The following SLC25A3 variants were observed in gnomAD, a reference collection of about 807,000 sequenced individuals.
SLC25A3 encodes the protein phosphate transport protein.
A neutral mutation model predicts 37.1 loss-of-function variants in SLC25A3; 14 were observed. The observed-to-expected ratio is 0.38, with a 90% confidence interval of 0.25 to 0.59. The LOEUF is 0.59. Ranked by LOEUF, SLC25A3 falls within the 20% of genes least tolerant of loss-of-function variation. The pLI, the probability that SLC25A3 is intolerant of heterozygous loss-of-function variation, is 0.67. For missense variants in SLC25A3, 385 were observed against 458.1 expected (o/e 0.84, Z 1.46); for synonymous variants, 161 against 168.7 (o/e 0.95, Z 0.36).
chr12:98,600,015 C>A lies in SLC25A3; in HGVS notation c.702C>A (p.Phe234Leu). ...AGATACCATACACCATGATGAAGTTCGCCTGCTTTGAACGTACTGTTGAAG... is the reference window on the plus strand; with the variant it reads ...AGATACCATACACCATGATGAAGTTAGCCTGCTTTGAACGTACTGTTGAAG... ...MRQIPYTMMK[F>L]ACFERTVEAL... Residue 234 changes from phenylalanine to leucine, a missense_variant, in exon 6 of 8, where the codon TTC becomes TTA. This residue lies in a region of SLC25A3 where 276 missense variants were observed against 367.6 expected (regional missense o/e 0.75). Coordinates refer to ENST00000552981, the MANE Select transcript of SLC25A3 (RefSeq NM_002635.4). 2 of 1,613,960 alleles carry A rather than the reference C, an allele frequency of 1.2e-6. No individual in the cohort carries two copies. Among genetic ancestry groups the A allele is most frequent in the Non-Finnish European group, 1.7e-6 (2 of 1,179,800 alleles).
chr12:98,599,718 A>G, intron 5 of SLC25A3: 1 of 678,224 alleles, frequency 1.5e-6, no homozygotes. Flanking sequence ...TGGTTCCAGT[A>G]GTCAAAGAAA....
chr12:98,595,869 A>T (rs1257424959), intron 3 of SLC25A3, 21 bp downstream of exon 3: 1 of 1,599,666 alleles, frequency 6.3e-7, no homozygotes, highest in Non-Finnish European at 8.6e-7. Context: ...AGATGACAAC[A>T]TTGAAAGTAT....
Position 98,600,119 on chromosome 12 carries a change from G to A in SLC25A3, c.806G>A (p.Gly269Asp). ...PEQLVVTFVA[G>D]YIAGVFCAIV... ...CAGCTGGTTGTAACATTTGTAGCAG[G>A]TTACATAGGTACGAATTACTTAGAA... is the stretch of plus-strand genomic sequence containing the variant. Residue 269 changes from glycine to aspartate, a missense_variant, in exon 6 of 8, where the codon GGT (glycine) becomes GAT (aspartate). Transcript: ENST00000552981. The A allele has an allele frequency of 6.3e-7, 1 of 1,597,756 alleles. No individual in the cohort carries two copies.
intron 3 of SLC25A3, among the ~76,000 whole-genome samples, chr12:98,596,363 C>G (rs1299692136): frequency 6.6e-6 from 1 of 152,106 alleles, no homozygotes; most frequent in Non-Finnish European, 1.5e-5. Context: ...GAAACAAAAA[C>G]AAGACATCGA....
rs1171720662 is a variant in SLC25A3, at chr12:98,601,703, T to C, written c.*175T>C. Reference sequence around the variant, plus strand: ...TTACTGTTGAAATAAACCCAACTCTTCATGATTTGCCTGTGACTTATTTTT... The same window carrying C: ...TTACTGTTGAAATAAACCCAACTCTCCATGATTTGCCTGTGACTTATTTTT... On this transcript the variant is annotated 3_prime_UTR_variant, in exon 8 of 8. Coordinates refer to ENST00000552981, the MANE Select transcript of SLC25A3 (RefSeq NM_002635.4). The C allele has an allele frequency of 1.6e-6, 1 of 619,330 alleles. No homozygotes were observed. Among genetic ancestry groups the C allele is most frequent in the Non-Finnish European group, 2.9e-6 (1 of 348,798 alleles). The allele number at this position is 619,330 out of a possible 1,614,324, so 38.4% of individuals were successfully genotyped here. A position where few individuals can be genotyped will look rare whatever the true frequency, so the allele number is the denominator to read the frequency against.
rs1260801391 is a variant in SLC25A3, at chr12:98,603,801, G to A, written c.*2273G>A. ...CCACTTCATCCTCAAAACCCAAGAG[G>A]CCCACTTAAAGTGATGCGAATTCTC... is the stretch of plus-strand genomic sequence containing the variant. On this transcript the variant is annotated 3_prime_UTR_variant, in exon 8 of 8. Transcript: ENST00000552981. The A allele has an allele frequency of 6.6e-6, 1 of 152,056 alleles. No individual in the cohort carries two copies. The highest frequency in any genetic ancestry group is 2.4e-5 in the African/African-American group (1 of 41,372). The allele number at this position is 152,056 out of a possible 1,614,324, so 9.4% of individuals were successfully genotyped here.
In SLC25A3 at chr12:98,601,594, CTT is replaced by C; in HGVS notation, c.*69_*70del. On this transcript the variant is annotated 3_prime_UTR_variant, in exon 8 of 8. Coordinates refer to ENST00000552981, the MANE Select transcript of SLC25A3 (RefSeq NM_002635.4). Reference sequence around the variant, plus strand: ...AGTGTTGAAGAAAGTGCAAAAGGAACTTTTATATATTTGACAGTGTAGGAAAT... The same window carrying C: ...AGTGTTGAAGAAAGTGCAAAAGGAACTTATATATTTGACAGTGTAGGAAAT... 1 of 1,044,616 alleles carries C rather than the reference CTT, an allele frequency of 9.6e-7. No individual in the cohort carries two copies. 64.7% of individuals were successfully genotyped at this position (1,044,616 alleles called of 1,614,324 possible). A position where few individuals can be genotyped will look rare whatever the true frequency, so the allele number is the denominator to read the frequency against.
chr12:98,594,201 T>C (rs1483992948), intron 2 of SLC25A3, 66 bp downstream of exon 2: 1 of 1,349,730 alleles, frequency 7.4e-7, no homozygotes, highest in Non-Finnish European at 1.0e-6. Context: ...CTTTGAGGCC[T>C]GGACCCGGCT....
intron 3 of SLC25A3, chr12:98,597,560 A>T: frequency 2.8e-6 from 1 of 360,634 alleles, no homozygotes. Flanking sequence ...AGTAGCTGGG[A>T]TTACAGGTGC....
Position 98,600,070 on chromosome 12 carries a change from C to G in SLC25A3, c.757C>G (p.Arg253Gly), listed in dbSNP as rs370953752. 2 of 1,614,122 alleles carry G rather than the reference C, an allele frequency of 1.2e-6. No homozygotes were observed. Among genetic ancestry groups the G allele is most frequent in the Non-Finnish European group, 1.7e-6 (2 of 1,180,002 alleles). The change falls in exon 6 of 8, where the codon CGC becomes GGC. Residue 253 changes from arginine (R) to glycine (G), a missense_variant. Around this residue, in one of 2 missense-constraint regions of SLC25A3, gnomAD observed 276 missense variants for 367.6 expected, o/e 0.75. Coordinates refer to ENST00000552981, the MANE Select transcript of SLC25A3 (RefSeq NM_002635.4). ...ALYKFVVPKPRSECSKPEQLV... is the reference protein window; with the variant it reads ...ALYKFVVPKPGSECSKPEQLV... ...GTACAAGTTTGTGGTTCCTAAGCCC[C>G]GCAGTGAATGTTCAAAGCCAGAGCA...
Position 98,595,432 on chromosome 12 carries a change from G to C in SLC25A3, c.158-295G>C. ...TGATTTTTTTTTTTCCAATCAAACA[G>C]AGCAGTATAGCTGTGACTATGGATC... On this transcript the variant is annotated intron_variant, in intron 2 of 7. Transcript: ENST00000552981. 1.2e-6 allele frequency: 2 copies of C among 1,613,254 alleles called. No homozygotes were observed. The highest frequency in any genetic ancestry group is 1.7e-6 in the Non-Finnish European group (2 of 1,179,506).
rs2153288457 is a variant in SLC25A3 at position 98,601,775 on chromosome 12, G to T, written c.*247G>T. ...TAGCTTTAAAATAGTTGGAAAGAAT[G>T]AAGTATATAAGTTAAGGAAAAAATA... is the stretch of plus-strand genomic sequence containing the variant. On this transcript the variant is annotated 3_prime_UTR_variant, in exon 8 of 8. Coordinates refer to ENST00000552981, the MANE Select transcript of SLC25A3 (RefSeq NM_002635.4). The T allele has an allele frequency of 6.1e-6, 3 of 490,622 alleles. No homozygotes were observed. Among genetic ancestry groups the T allele is most frequent in the East Asian group, 3.8e-5 (1 of 26,068 alleles). 30.4% of individuals were successfully genotyped at this position (490,622 alleles called of 1,614,324 possible).
At position 98,604,531 on chromosome 12, in the gene SLC25A3, G is replaced by C. The variant is rs1204477683; in HGVS notation, c.*3003G>C. ...TTTTTCCCTAGAGAACAGGGTTCTT[G>C]CTTTGTCGCCCAGGCTGGAGTACAG... On this transcript the variant is annotated 3_prime_UTR_variant, in exon 8 of 8. Transcript: ENST00000552981. 6.7e-6 allele frequency: 1 copy of C among 148,184 alleles called. No individual in the cohort carries two copies. The highest frequency in any genetic ancestry group is 6.8e-5 in the Admixed American group (1 of 14,724). The allele number at this position is 148,184 out of a possible 1,614,324, so 9.2% of individuals were successfully genotyped here.
In SLC25A3 at chr12:98,595,737, T is replaced by C. The variant is rs1418581388; in HGVS notation, c.168T>C (p.Cys56=). 3.1e-6 allele frequency: 5 copies of C among 1,614,052 alleles called. No individual in the cohort carries two copies. Among genetic ancestry groups the C allele is most frequent in the South Asian group, 1.1e-5 (1 of 91,090 alleles). ...LAAAAVEEYS[C]EFGSAKYYAL... is the part of the protein sequence containing the mutation. The stretch of plus-strand genomic sequence containing the variant: ...CTTCTCTTACTACAGAGTACAGTTG[T>C]GAATTTGGCTCCGCGAAGTATTATG... The change falls in exon 3 of 8, where the codon TGT becomes TGC. Residue 56 remains cysteine (C), a synonymous_variant. Transcript: ENST00000552981.
chr12:98,600,310 T>G (rs2097596714), intron 6 of SLC25A3, among the ~76,000 whole-genome samples, 183 bp downstream of exon 6: 2 of 152,204 alleles, frequency 1.3e-5, no homozygotes, highest in South Asian at 4.1e-4. Context: ...TGATAATAGC[T>G]CACTGCAACC....
rs1435784030 is a variant in SLC25A3, at chr12:98,601,235, A to C, written c.879A>C (p.Glu293Asp). The C allele has an allele frequency of 6.2e-7, 1 of 1,614,050 alleles. No individual in the cohort carries two copies. Among genetic ancestry groups the C allele is most frequent in the Non-Finnish European group, 8.5e-7 (1 of 1,180,024 alleles). The change falls in exon 7 of 8, where the codon GAA (glutamate) becomes GAC (aspartate). Residue 293 changes from glutamate to aspartate, a missense_variant. Coordinates refer to ENST00000552981, the MANE Select transcript of SLC25A3 (RefSeq NM_002635.4). ...ADSVVSVLNKEKGSSASLVLK... is the reference protein window; with the variant it reads ...ADSVVSVLNKDKGSSASLVLK... ...CTGTGGTATCTGTGTTGAATAAAGA[A>C]AAAGGTAGCAGTGCTTCTCTGGTCC...
intron 4 of SLC25A3, 55 bp downstream of exon 4, chr12:98,598,090 T>TTCTTAGATTTTTG (rs1405250435): frequency 1.9e-6 from 3 of 1,584,586 alleles, no homozygotes; most frequent in South Asian, 2.2e-5. Flanking sequence ...TTTCCGAGTG[T>TTCTTAGATTTTTG]TCTTAGATTT....
chr12:98,594,198 G>A, intron 2 of SLC25A3, 63 bp downstream of exon 2: 2 of 1,370,702 alleles, frequency 1.5e-6, no homozygotes, highest in Non-Finnish European at 2.0e-6. Flanking sequence ...AGCCTTTGAG[G>A]CCTGGACCCG....
intron 5 of SLC25A3, 91 bp from the exon 6 acceptor site, chr12:98,599,864 T>C: frequency 7.4e-7 from 1 of 1,352,346 alleles, no homozygotes; most frequent in Non-Finnish European, 1.1e-6. Context: ...CTATCAGGAC[T>C]CGACTCGTGT....
Sources: gnomAD v4.1 joint callset for allele counts (sites outside exome capture counted in the v4.1 genomes callset) on GRCh38, gnomAD v4.1.1 for gene constraint, gnomAD v4.1.1 regional missense constraint, MANE v1.5 for transcripts, NCBI Gene and HGNC (gene_info 2026-07-23, HGNC 2026-07-21) for gene names.